Variants in STK31 observed in about 807,000 individuals in gnomAD.
The protein encoded by STK31 is serine/threonine kinase 31, also known as serine/threonine-protein kinase 31.
Under a neutral mutation model 129.7 loss-of-function variants are expected in STK31, and 89 were observed. The ratio of observed to expected loss-of-function variants is 0.69; its 90% CI spans 0.58 to 0.82. The LOEUF (loss-of-function observed/expected upper bound fraction) is 0.82. Among genes scored for constraint, STK31 ranks in the 40% least tolerant of loss-of-function variants. STK31 has a pLI of 0.00. For synonymous variants in STK31, 448 were observed against 395.3 expected, an observed-to-expected ratio of 1.13 and a Z score of -1.58; for missense variants, 1,187 against 1,176.4, an observed-to-expected ratio of 1.01 and a Z score of -0.13.
At chr7:23,816,582 C>A (rs1231267032) in intron 23 of STK31, among the ~76,000 whole-genome samples, 3 of 152,156 alleles carry the variant, frequency 2.0e-5, no homozygotes, top group African/African-American at 7.2e-5. Context: ...GATTCTGTTT[C>A]TTTCAGTTTA....
At chr7:23,741,085 A>G (rs1430547587) in intron 8 of STK31, among the ~76,000 whole-genome samples, 1 of 152,126 alleles carries the variant, frequency 6.6e-6, no homozygotes, top group Non-Finnish European at 1.5e-5. Context: ...TGCAGCCATT[A>G]TTCTTTTTGA....
chr7:23,775,760 T>C (rs945686607), intron 15 of STK31, among the ~76,000 whole-genome samples: 1 of 152,222 alleles, frequency 6.6e-6, no homozygotes, highest in Non-Finnish European at 1.5e-5. Flanking sequence ...AAATATACAA[T>C]CATGTCATCT....
intron 4 of STK31, among the ~76,000 whole-genome samples, chr7:23,724,635 C>T (rs1019319104): frequency 2.0e-5 from 3 of 152,126 alleles, no homozygotes; most frequent in African/African-American, 7.2e-5. Context: ...AAAGATGATG[C>T]AGTCTTTTGC....
intron 8 of STK31, among the ~76,000 whole-genome samples, chr7:23,741,221 C>T (rs1173241155): frequency 6.6e-6 from 1 of 152,122 alleles, no homozygotes; most frequent in Non-Finnish European, 1.5e-5. Context: ...TCTGCATTTC[C>T]TACCCTAATC....
intron 6 of STK31, among the ~76,000 whole-genome samples, chr7:23,734,129 T>C (rs1787586508): frequency 6.6e-6 from 1 of 152,238 alleles, no homozygotes; most frequent in Non-Finnish European, 1.5e-5. Flanking sequence ...TTTACACTCT[T>C]GTTTGTCTGA....
At chr7:23,788,197 C>G (rs1791414371) in intron 21 of STK31, 68 bp downstream of exon 21, 1 of 1,339,478 alleles carries the variant, frequency 7.5e-7, no homozygotes, top group South Asian at 1.7e-5. Flanking sequence ...TAGTTCAGCA[C>G]TTATATATAA....
At chr7:23,716,497 G>A (rs938244116) in intron 3 of STK31, among the ~76,000 whole-genome samples, 17 of 152,030 alleles carry the variant, frequency 1.1e-4, no homozygotes, top group Non-Finnish European at 1.8e-4. Context: ...TTTCACCCAC[G>A]AATTTTATTG....
intron 6 of STK31, among the ~76,000 whole-genome samples, chr7:23,733,557 C>T (rs1434454572): frequency 1.3e-5 from 2 of 151,880 alleles, no homozygotes. Flanking sequence ...GCCTGTAATC[C>T]CAGCTCTTTG....
chr7:23,766,125 G>A, intron 11 of STK31, among the ~76,000 whole-genome samples: 1 of 152,092 alleles, frequency 6.6e-6, no homozygotes, highest in Non-Finnish European at 1.5e-5. Flanking sequence ...GATTTTGCGA[G>A]TTATTTGATA....
chr7:23,792,411 G>T (rs141993429), intron 22 of STK31, among the ~76,000 whole-genome samples: 1 of 152,124 alleles, frequency 6.6e-6, no homozygotes, highest in Admixed American at 6.5e-5. Flanking sequence ...AGTAAAAGAT[G>T]TGCAAGAGTT....
chr7:23,770,514 C>A (rs1362923070), intron 13 of STK31, among the ~76,000 whole-genome samples: 2 of 152,104 alleles, frequency 1.3e-5, no homozygotes, highest in African/African-American at 4.8e-5. Context: ...GTTTATAGTT[C>A]TTATATTTAG....
chr7:23,744,414 T>A (rs144873580), intron 8 of STK31, among the ~76,000 whole-genome samples: 1 of 152,074 alleles, frequency 6.6e-6, no homozygotes. Context: ...TTATTTAAAA[T>A]CAGTATTTTG....
chr7:23,722,907 C>T (rs975863868), intron 4 of STK31: 2 of 152,248 alleles, frequency 1.3e-5, no homozygotes, highest in Non-Finnish European at 2.9e-5. Context: ...ATAATCTCCT[C>T]GTGTGCTGTT....
At chr7:23,739,708 C>G (rs2128083585) in intron 8 of STK31, among the ~76,000 whole-genome samples, 1 of 152,302 alleles carries the variant, frequency 6.6e-6, no homozygotes, top group South Asian at 2.1e-4. Context: ...CCAGTTTTCC[C>G]AACACCGTTT....
At chr7:23,812,674 C>T (rs971744119) in intron 22 of STK31, among the ~76,000 whole-genome samples, 1 of 151,916 alleles carries the variant, frequency 6.6e-6, no homozygotes, top group South Asian at 2.1e-4. Context: ...TCCCACCCTC[C>T]CACCTTTTCG....
At chr7:23,716,987 A>G (rs1336411024) in intron 3 of STK31, among the ~76,000 whole-genome samples, 2 of 150,260 alleles carry the variant, frequency 1.3e-5, no homozygotes, top group Non-Finnish European at 3.0e-5. Flanking sequence ...TTGTAGAGAC[A>G]GGATTTCACC....
intron 5 of STK31, among the ~76,000 whole-genome samples, chr7:23,728,443 T>A (rs1787216866): frequency 6.6e-6 from 1 of 152,210 alleles, no homozygotes; most frequent in South Asian, 2.1e-4. Context: ...AAATGGTTTA[T>A]TTTAGTGGAA....
chr7:23,749,880 G>A (rs1788593676), intron 8 of STK31, among the ~76,000 whole-genome samples: 1 of 151,986 alleles, frequency 6.6e-6, no homozygotes, highest in Admixed American at 6.6e-5. Context: ...AGAGTAGGAT[G>A]GAATTGGGTA....
intron 6 of STK31, among the ~76,000 whole-genome samples, chr7:23,733,896 A>G (rs1787574269): frequency 6.6e-6 from 1 of 152,198 alleles, no homozygotes; most frequent in African/African-American, 2.4e-5. Context: ...AAACATTCTG[A>G]GAAAAAGTCC....
Sources: allele counts gnomAD v4.1 joint callset (sites outside exome capture counted in the v4.1 genomes callset), GRCh38; gene constraint gnomAD v4.1.1; transcripts MANE v1.5; gene names NCBI Gene and HGNC (gene_info 2026-07-23, HGNC 2026-07-21).